Variants in RORA observed in about 807,000 individuals in gnomAD.
The protein encoded by RORA is RAR related orphan receptor A.
A neutral mutation model predicts 69.5 loss-of-function variants in RORA; 7 were observed. The ratio of observed to expected loss-of-function variants is 0.10; its 90% CI spans 0.06 to 0.19. RORA has a LOEUF of 0.19. RORA is among the 10% of genes least tolerant of loss of function. The pLI is 1.00. For synonymous variants in RORA, 261 were observed against 240.8 expected (o/e 1.08, Z -0.78); for missense variants, 457 against 663.0 (o/e 0.69, Z 3.41).
intron 2 of RORA, among the ~76,000 whole-genome samples, chr15:60,651,156 G>T (rs1045600095): frequency 2.6e-5 from 4 of 152,128 alleles, no homozygotes; most frequent in Non-Finnish European, 4.4e-5. Context: ...CACTTTGGTG[G>T]TTGTTACTAT....
chr15:61,094,430 G>C (rs1595979455), intron 1 of RORA, among the ~76,000 whole-genome samples: 1 of 152,262 alleles, frequency 6.6e-6, no homozygotes, highest in African/African-American at 2.4e-5. Context: ...AGCTGTTGCT[G>C]TCTGGTGTGT....
intron 1 of RORA, among the ~76,000 whole-genome samples, chr15:60,825,154 C>T (rs1363663476): frequency 6.6e-6 from 1 of 152,134 alleles, no homozygotes; most frequent in Non-Finnish European, 1.5e-5. Context: ...ACCAGGGCAC[C>T]TTCTAAATTC....
At position 60,517,190 on chromosome 15, in the gene RORA, T is replaced by C. The variant is rs141771416; in HGVS notation, c.283-2433A>G. Among the ~76,000 whole-genome samples the C allele has an allele frequency of 2.6e-3, 393 of 151,898 alleles. 1 individual carries two copies. Among genetic ancestry groups the C allele is most frequent in the Non-Finnish European group, 4.6e-3 (314 of 67,982 alleles). ...TGAGAAGAAGTGCACCTGCCTTCCT[T>C]TGTAATGGCTGGGGGCCTTTGTCAA... is the stretch of plus-strand genomic sequence containing the variant. On this transcript the variant is annotated intron_variant, in intron 3 of 10. Coordinates refer to ENST00000335670, the MANE Select transcript of RORA (RefSeq NM_134261.3).
intron 1 of RORA, among the ~76,000 whole-genome samples, chr15:60,808,616 G>A (rs762601853): frequency 1.3e-5 from 2 of 151,422 alleles, no homozygotes; most frequent in Admixed American, 1.3e-4. Context: ...GCACACACAC[G>A]TTTATAGCGG....
At chr15:60,658,266 G>C (rs1226008004) in intron 2 of RORA, among the ~76,000 whole-genome samples, 3 of 152,100 alleles carry the variant, frequency 2.0e-5, no homozygotes, top group East Asian at 1.9e-4. Context: ...TGTTGGCCAG[G>C]CTGGTCTCAA....
chr15:60,955,361 T>C (rs1309787508), intron 1 of RORA, among the ~76,000 whole-genome samples: 1 of 152,184 alleles, frequency 6.6e-6, no homozygotes, highest in African/African-American at 2.4e-5. Context: ...ATTGCTGGCA[T>C]TGTCTCGTTT....
At chr15:61,101,538 T>C (rs1316785578) in intron 1 of RORA, among the ~76,000 whole-genome samples, 3 of 152,154 alleles carry the variant, frequency 2.0e-5, no homozygotes, top group Non-Finnish European at 4.4e-5. Flanking sequence ...TAAACTGGAA[T>C]GATCCTAGAA....
rs553174106 is a variant in RORA, at chr15:61,096,779, T to C, written c.166+132274A>G. ...GGTCCTGTCCCATCCCAAAAGGACA[T>C]CTGGATAAATACACACTGGGGAGCC... On this transcript the variant is annotated intron_variant, in intron 1 of 10. Coordinates refer to ENST00000335670, the MANE Select transcript of RORA (RefSeq NM_134261.3). Among the ~76,000 whole-genome samples, 39 of 152,302 alleles carry C rather than the reference T, an allele frequency of 2.6e-4. No individual in the cohort carries two copies. In the South Asian group the frequency reaches 7.9e-3, roughly 31 times the overall value.
At chr15:60,862,735 A>G (rs2073446777) in intron 1 of RORA, among the ~76,000 whole-genome samples, 2 of 152,222 alleles carry the variant, frequency 1.3e-5, no homozygotes, top group Admixed American at 1.3e-4. Context: ...CAGAACAGCT[A>G]TTTAAAGGGG....
intron 1 of RORA, among the ~76,000 whole-genome samples, chr15:60,878,132 C>A (rs1459972814): frequency 2.1e-5 from 3 of 140,984 alleles, no homozygotes; most frequent in African/African-American, 7.8e-5. Context: ...CGATGCCATC[C>A]TGGCTAACAA....
chr15:60,563,342 C>CCACATGGAA (rs2067631521), intron 2 of RORA, among the ~76,000 whole-genome samples: 1 of 152,206 alleles, frequency 6.6e-6, no homozygotes, highest in East Asian at 1.9e-4. Flanking sequence ...TCTTCTTGCA[C>CCACATGGAA]TTTGGCCTAA....
intron 1 of RORA, among the ~76,000 whole-genome samples, chr15:60,921,804 G>A (rs979820237): frequency 8.5e-5 from 13 of 152,092 alleles, no homozygotes; most frequent in African/African-American, 3.1e-4. Context: ...TCACTAACAG[G>A]GCTGCTGTGA....
intron 1 of RORA, among the ~76,000 whole-genome samples, chr15:60,868,288 T>A (rs899689371): frequency 6.6e-6 from 1 of 152,236 alleles, no homozygotes; most frequent in African/African-American, 2.4e-5. Flanking sequence ...TTTGGCTCAC[T>A]TAGTTAAGCC....
At chr15:61,193,137 C>T (rs2079816449) in intron 1 of RORA, among the ~76,000 whole-genome samples, 1 of 152,164 alleles carries the variant, frequency 6.6e-6, no homozygotes, top group Admixed American at 6.5e-5. Context: ...TTACTTATCC[C>T]CGAACACATG....
intron 2 of RORA, among the ~76,000 whole-genome samples, chr15:60,657,809 C>A (rs1445741335): frequency 6.6e-6 from 1 of 152,212 alleles, no homozygotes; most frequent in Non-Finnish European, 1.5e-5. Context: ...TTTATCACTG[C>A]ACTTCCCTTT....
intron 1 of RORA, among the ~76,000 whole-genome samples, chr15:60,739,818 T>C (rs1567174666): frequency 6.6e-6 from 1 of 151,992 alleles, no homozygotes; most frequent in East Asian, 1.9e-4. Context: ...AAGGAAACGA[T>C]TTCTTTTTTT....
intron 2 of RORA, among the ~76,000 whole-genome samples, chr15:60,675,977 T>A (rs565071761): frequency 2.0e-5 from 3 of 152,344 alleles, no homozygotes; most frequent in Non-Finnish European, 4.4e-5. Flanking sequence ...AAGTCTTGAC[T>A]AAGGTTTCCA....
At chr15:60,859,422 T>G (rs1156803379) in intron 1 of RORA, among the ~76,000 whole-genome samples, 2 of 151,580 alleles carry the variant, frequency 1.3e-5, no homozygotes, top group Non-Finnish European at 2.9e-5. Flanking sequence ...TTGTGAGAAG[T>G]ACAGAGATCT....
chr15:60,747,626 C>A (rs769966390), intron 1 of RORA, among the ~76,000 whole-genome samples: 5 of 152,092 alleles, frequency 3.3e-5, no homozygotes, highest in Non-Finnish European at 2.9e-5. Flanking sequence ...GTGAGGCTTT[C>A]CCATGTGGAC....
Sources: gnomAD v4.1 joint callset for allele counts (sites outside exome capture counted in the v4.1 genomes callset) on GRCh38, gnomAD v4.1.1 for gene constraint, MANE v1.5 for transcripts, NCBI Gene and HGNC (gene_info 2026-07-23, HGNC 2026-07-21) for gene names.